The following CLIP4 variants were observed in gnomAD, a reference collection of about 807,000 sequenced individuals.
The protein encoded by CLIP4 is CAP-Gly domain-containing linker protein 4.
CLIP4 carries 47 observed loss-of-function variants against 73.1 expected under a neutral mutation model. The ratio of observed to expected loss-of-function variants is 0.64; its 90% CI spans 0.51 to 0.82. The LOEUF (loss-of-function observed/expected upper bound fraction) is 0.82, where lower values mean the gene tolerates loss of function less well. CLIP4 is among the 40% of genes least tolerant of loss of function. The pLI is 0.00. For missense variants in CLIP4, 874 were observed against 852.9 expected (o/e 1.02, Z -0.31); for synonymous variants, 306 against 295.4 (o/e 1.04, Z -0.37).
At chr2:29,124,837 T>C (rs1664494466) in intron 2 of CLIP4, among the ~76,000 whole-genome samples, 1 of 152,160 alleles carries the variant, frequency 6.6e-6, no homozygotes, top group South Asian at 2.1e-4. Context: ...TAGAGTTATA[T>C]TGACTGTTTT....
At chr2:29,103,489 TA>T (rs1278833843) in intron 1 of CLIP4, among the ~76,000 whole-genome samples, 3 of 152,150 alleles carry the variant, frequency 2.0e-5, no homozygotes, top group African/African-American at 7.2e-5. Context: ...GGGAGTGTGC[TA>T]AATTCTTTTC....
chr2:29,146,880 G>C (rs910855299), intron 8 of CLIP4, among the ~76,000 whole-genome samples: 4 of 152,204 alleles, frequency 2.6e-5, no homozygotes, highest in Non-Finnish European at 4.4e-5. Flanking sequence ...ATGATTCCCT[G>C]TAAGCACTCA....
chr2:29,131,687 C>T, intron 3 of CLIP4: 1 of 270,938 alleles, frequency 3.7e-6, no homozygotes, highest in Non-Finnish European at 6.8e-6. Flanking sequence ...TTATGCATTT[C>T]ATAAAGGGAT....
intron 1 of CLIP4, among the ~76,000 whole-genome samples, chr2:29,101,503 C>G (rs1158344018): frequency 2.6e-5 from 4 of 152,026 alleles, no homozygotes; most frequent in African/African-American, 7.2e-5. Flanking sequence ...CCAGTCTAGC[C>G]TTTCAATGTT....
At chr2:29,104,681 G>A (rs949471404) in intron 1 of CLIP4, among the ~76,000 whole-genome samples, 6 of 141,684 alleles carry the variant, frequency 4.2e-5, no homozygotes, top group African/African-American at 1.5e-4. Flanking sequence ...TGAGTATGAC[G>A]AAGCCTTTGC....
intron 1 of CLIP4, among the ~76,000 whole-genome samples, chr2:29,101,256 C>T (rs1668034813): frequency 6.8e-6 from 1 of 146,954 alleles, no homozygotes; most frequent in East Asian, 2.0e-4. Context: ...TGCCACTGCA[C>T]TCCAGCCTGG....
At chr2:29,133,310 A>G (rs553895504) in intron 4 of CLIP4, among the ~76,000 whole-genome samples, 1 of 152,246 alleles carries the variant, frequency 6.6e-6, no homozygotes, top group Non-Finnish European at 1.5e-5. Flanking sequence ...CCAGTGGTCC[A>G]CGGAACACGT....
chr2:29,135,096 G>T (rs1459871406), intron 5 of CLIP4, among the ~76,000 whole-genome samples: 1 of 152,138 alleles, frequency 6.6e-6, no homozygotes, highest in Non-Finnish European at 1.5e-5. Flanking sequence ...ATGAATGAGT[G>T]TGCCTGTGTT....
intron 15 of CLIP4, among the ~76,000 whole-genome samples, chr2:29,178,696 C>G (rs1286282850): frequency 5.9e-5 from 9 of 152,160 alleles, no homozygotes; most frequent in Admixed American, 5.9e-4. Context: ...TAATAGATGC[C>G]AGACTTCTAA....
chr2:29,178,370 G>A (rs1342533128), intron 15 of CLIP4, among the ~76,000 whole-genome samples: 1 of 151,946 alleles, frequency 6.6e-6, no homozygotes, highest in East Asian at 1.9e-4. Flanking sequence ...TAGTAGAAAC[G>A]GGGTTTCACC....
intron 13 of CLIP4, among the ~76,000 whole-genome samples, chr2:29,166,778 A>C (rs879539856): frequency 5.3e-5 from 8 of 152,190 alleles, no homozygotes; most frequent in Non-Finnish European, 1.2e-4. Context: ...AATGATGCCT[A>C]TGAATTGTAA....
chr2:29,156,494 T>G, intron 10 of CLIP4, 51 bp downstream of exon 10: 2 of 1,297,804 alleles, frequency 1.5e-6, no homozygotes, highest in South Asian at 2.7e-5. Context: ...TTGATGGAAC[T>G]TTAAAATATG....
Position 29,170,065 on chromosome 2 carries a change from G to A in CLIP4, c.1723+2525G>A, listed in dbSNP as rs576670892. The stretch of plus-strand genomic sequence containing the variant: ...CTTAACCTCCAGTTCCATCCATGTT[G>A]CTGCAAGTGACAGGATTTCCTTCTT... On this transcript the variant is annotated intron_variant, in intron 14 of 15. Coordinates refer to ENST00000320081, the MANE Select transcript of CLIP4 (RefSeq NM_024692.6). Among the ~76,000 whole-genome samples the A allele has an allele frequency of 3.3e-4, 51 of 152,270 alleles. 1 individual carries two copies. The highest frequency in any genetic ancestry group is 6.8e-4 in the Non-Finnish European group (46 of 68,026).
chr2:29,118,961 G>A (rs1664067631), intron 1 of CLIP4, among the ~76,000 whole-genome samples: 1 of 152,194 alleles, frequency 6.6e-6, no homozygotes, highest in Admixed American at 6.5e-5. Flanking sequence ...GAGTCCAGGT[G>A]TTGTAGGTCT....
At chr2:29,130,892 G>C (rs1031457541) in intron 2 of CLIP4, 3 of 1,290,406 alleles carry the variant, frequency 2.3e-6, no homozygotes, top group African/African-American at 3.0e-5. Flanking sequence ...TCAGTGGTGA[G>C]TTACCTCAGC....
chr2:29,157,083 C>A (rs1666973882), intron 10 of CLIP4, 121 bp from the exon 11 acceptor site: 2 of 791,324 alleles, frequency 2.5e-6, no homozygotes, highest in South Asian at 1.6e-5. Context: ...TTTAATTTGA[C>A]ACTAGATAAT....
At chr2:29,176,004 G>A (rs1455652453) in intron 15 of CLIP4, among the ~76,000 whole-genome samples, 3 of 152,120 alleles carry the variant, frequency 2.0e-5, no homozygotes, top group African/African-American at 2.4e-5. Context: ...ATCATGATCT[G>A]CCCACCTTGG....
At chr2:29,153,318 C>A (rs1296816859) in intron 9 of CLIP4, among the ~76,000 whole-genome samples, 1 of 152,040 alleles carries the variant, frequency 6.6e-6, no homozygotes, top group Non-Finnish European at 1.5e-5. Context: ...TTTATCGTAT[C>A]TCTTCCCCAT....
At chr2:29,132,317 C>T in intron 4 of CLIP4, 72 bp downstream of exon 4, 1 of 1,259,930 alleles carries the variant, frequency 7.9e-7, no homozygotes, top group South Asian at 1.3e-5. Context: ...TATTTATGCC[C>T]ATATATTGTC....
Sources: gnomAD v4.1 joint callset for allele counts (sites outside exome capture counted in the v4.1 genomes callset) on GRCh38, gnomAD v4.1.1 for gene constraint, MANE v1.5 for transcripts, NCBI Gene and HGNC (gene_info 2026-07-23, HGNC 2026-07-21) for gene names.